The following WASHC2C variants were observed in gnomAD, a reference collection of about 807,000 sequenced individuals.
WASHC2C encodes the protein Vaccinia Penetration Factor.
Under a neutral mutation model 142.2 loss-of-function variants are expected in WASHC2C, and 73 were observed. That is an observed-to-expected ratio of 0.51 (90% CI 0.43 to 0.62). The LOEUF (loss-of-function observed/expected upper bound fraction) is 0.62, where lower values mean the gene tolerates loss of function less well. Among genes scored for constraint, WASHC2C ranks in the 20% least tolerant of loss-of-function variants. WASHC2C has a pLI of 0.00. For missense variants in WASHC2C, 969 were observed against 1,531.7 expected, an observed-to-expected ratio of 0.63 and a Z score of 6.13; for synonymous variants, 337 against 565.5, an observed-to-expected ratio of 0.60 and a Z score of 5.73.
chr10:45,763,712 CT>C (rs4042575), intron 18 of WASHC2C, among the ~76,000 whole-genome samples: 3,753 of 141,534 alleles, frequency 0.027, 133 homozygotes, highest in African/African-American at 0.084. Context: ...TGACGCAGTT[CT>C]TTTTTTTTTT....
intron 4 of WASHC2C, 121 bp downstream of exon 4, chr10:45,738,166 G>A: frequency 6.3e-7 from 1 of 1,599,112 alleles, no homozygotes. Context: ...GACTGCTCCT[G>A]ACAGCAGCCC....
chr10:45,730,129 G>T lies in WASHC2C; in HGVS notation c.291+1103G>T, dbSNP rs2050365558. 2.2e-5 allele frequency among the ~76,000 whole-genome samples: 3 copies of T among 135,978 alleles called. No homozygotes were observed. In the South Asian group the frequency reaches 7.9e-4, roughly 36 times the overall value. 89.2% of individuals were successfully genotyped at this position (135,978 alleles called of 152,430 possible). On this transcript the variant is annotated intron_variant, in intron 3 of 30. Coordinates refer to ENST00000623400, the MANE Select transcript of WASHC2C (RefSeq NM_001330074.2). ...GGAGGCCAAGACGGGTGGATCACCT[G>T]AGGTTGGGAGTTCGAGACCAGCCTG...
At chr10:45,764,628 C>T (rs1428746176) in intron 18 of WASHC2C, among the ~76,000 whole-genome samples, 56 of 152,062 alleles carry the variant, frequency 3.7e-4, no homozygotes, top group Non-Finnish European at 1.8e-4. Context: ...CAGTACTGGG[C>T]GGTGGTGAGC....
chr10:45,735,544 C>T (rs539223836), intron 3 of WASHC2C, among the ~76,000 whole-genome samples: 4 of 152,240 alleles, frequency 2.6e-5, no homozygotes, highest in Non-Finnish European at 5.9e-5. Flanking sequence ...GCATGAGCCA[C>T]TGTCCCCAGC....
chr10:45,763,739 A>T (rs1313765381), intron 18 of WASHC2C, among the ~76,000 whole-genome samples: 3 of 143,428 alleles, frequency 2.1e-5, no homozygotes, highest in Non-Finnish European at 4.5e-5. Flanking sequence ...CGAGTTGGAG[A>T]CTTTCTCTGT....
At chr10:45,780,836 C>CTTTG (rs1478206565) in intron 23 of WASHC2C, among the ~76,000 whole-genome samples, 1 of 151,678 alleles carries the variant, frequency 6.6e-6, no homozygotes, top group African/African-American at 2.4e-5. Context: ...TCACTGCAAC[C>CTTTG]TTTGCCTCCC....
Position 45,757,555 on chromosome 10 carries a change from T to C in WASHC2C, c.1548+416T>C, listed in dbSNP as rs559495061. 3.3e-3 allele frequency among the ~76,000 whole-genome samples: 502 copies of C among 152,174 alleles called. 1 individual carries two copies. Among genetic ancestry groups the C allele is most frequent in the African/African-American group, 0.011 (471 of 41,512 alleles). ...AGTAATTCTATAGTAGAATCTAATA[T>C]CTAGTCTGTATTAGAATTGCTCCAG... On this transcript the variant is annotated intron_variant, in intron 16 of 30. Coordinates refer to ENST00000623400, the MANE Select transcript of WASHC2C (RefSeq NM_001330074.2).
chr10:45,785,550 T>TC lies in WASHC2C; in HGVS notation c.2730_2731insC (p.Asn911GlnfsTer10). 6.2e-7 allele frequency: 1 copy of TC among 1,613,974 alleles called. No homozygotes were observed. ...GAGTAGTGAAAAAAGACCACTCTGT[T>TC]AACTCTTTCAAAAACCAGAAACATC... is the stretch of plus-strand genomic sequence containing the variant. On this transcript the variant is annotated frameshift_variant, in exon 26 of 31. Coordinates refer to ENST00000623400, the MANE Select transcript of WASHC2C (RefSeq NM_001330074.2). LOFTEE classifies it high-confidence loss of function.
At chr10:45,735,488 G>A (rs1465580898) in intron 3 of WASHC2C, among the ~76,000 whole-genome samples, 3 of 151,898 alleles carry the variant, frequency 2.0e-5, no homozygotes, top group Admixed American at 6.6e-5. Flanking sequence ...TGATCCCAAA[G>A]TGCTGGGATT....
chr10:45,741,086 T>A, intron 5 of WASHC2C, among the ~76,000 whole-genome samples: 1 of 151,856 alleles, frequency 6.6e-6, no homozygotes, highest in African/African-American at 2.4e-5. Flanking sequence ...TAGCTGGGAT[T>A]ACAGGCGCCC....
chr10:45,732,845 G>A (rs2134082898), intron 3 of WASHC2C, among the ~76,000 whole-genome samples: 1 of 152,400 alleles, frequency 6.6e-6, no homozygotes, highest in South Asian at 2.1e-4. Context: ...GAAACAGATG[G>A]AGTTGCTGAA....
intron 26 of WASHC2C, 183 bp downstream of exon 26, chr10:45,785,814 A>G (rs2057999482): frequency 9.0e-7 from 1 of 1,113,998 alleles, no homozygotes; most frequent in African/African-American, 1.6e-5. Flanking sequence ...TCCACACGCC[A>G]GAGTTTCATG....
intron 11 of WASHC2C, among the ~76,000 whole-genome samples, chr10:45,752,387 G>C (rs551277659): frequency 4.8e-4 from 73 of 152,204 alleles, no homozygotes; most frequent in Admixed American, 1.3e-3. Context: ...CTTGAGAGTG[G>C]AGGCCCAGAG....
chr10:45,737,319 T>C (rs2051394575), intron 3 of WASHC2C: 5 of 495,420 alleles, frequency 1.0e-5, no homozygotes, highest in African/African-American at 2.3e-5. Context: ...ACTTCGGTAG[T>C]TTTTAAAACA....
chr10:45,784,242 G>GTATATATATATA (rs2057746536), intron 23 of WASHC2C, among the ~76,000 whole-genome samples: 12 of 38,094 alleles, frequency 3.2e-4, no homozygotes, highest in African/African-American at 9.5e-4. Flanking sequence ...ATATATATAT[G>GTATATATATATA]TGTGTGTGTG....
intron 3 of WASHC2C, among the ~76,000 whole-genome samples, chr10:45,733,363 G>A (rs2050831703): frequency 6.6e-6 from 1 of 152,122 alleles, no homozygotes; most frequent in Non-Finnish European, 1.5e-5. Context: ...TAAATGAAAG[G>A]GGACCAGGGC....
At position 45,751,478 on chromosome 10, in the gene WASHC2C, C is replaced by T. The variant is rs1554874437; in HGVS notation, c.932-4C>T. 7.0e-7 allele frequency: 1 copy of T among 1,436,178 alleles called. No homozygotes were observed. Among genetic ancestry groups the T allele is most frequent in the South Asian group, 1.2e-5 (1 of 80,102 alleles). The allele number at this position is 1,436,178 out of a possible 1,614,324, so 89.0% of individuals were successfully genotyped here. A position where few individuals can be genotyped will look rare whatever the true frequency, so the allele number is the denominator to read the frequency against. On this transcript the variant is annotated splice_region_variant and splice_polypyrimidine_tract_variant and intron_variant, in intron 10 of 30. Transcript: ENST00000623400. ...ACTATTAAAACTGTGAACTGTTCTT[C>T]AAGCCTTACCCTCAGGAGAAGCAAA... is the stretch of plus-strand genomic sequence containing the variant.
At chr10:45,780,441 T>C (rs1164564243) in intron 23 of WASHC2C, among the ~76,000 whole-genome samples, 2 of 151,918 alleles carry the variant, frequency 1.3e-5, no homozygotes, top group Non-Finnish European at 2.9e-5. Flanking sequence ...CCTAACATCA[T>C]GAACAACACA....
At chr10:45,785,477 G>A (rs2057965641) in intron 25 of WASHC2C, 32 bp from the exon 26 acceptor site, 3 of 1,610,316 alleles carry the variant, frequency 1.9e-6, no homozygotes, top group Non-Finnish European at 2.5e-6. Context: ...TAAGATATTT[G>A]ATGCCTTTTT....
Sources: allele counts gnomAD v4.1 joint callset (sites outside exome capture counted in the v4.1 genomes callset), GRCh38; gene constraint gnomAD v4.1.1; transcripts MANE v1.5; gene names NCBI Gene and HGNC (gene_info 2026-07-23, HGNC 2026-07-21).